BCL2L12: variants seen among roughly 807,000 people sequenced by gnomAD.
BCL2L12 encodes BCL2 like 12.
In BCL2L12, 27 loss-of-function variants were observed where a neutral mutation model predicts 25.7. The observed-to-expected ratio is 1.05, with a 90% CI of 0.78 to 1.45. The LOEUF is 1.45. Ranked by LOEUF, BCL2L12 falls within the 40% of genes most tolerant of loss-of-function variation. BCL2L12 has a pLI of 0.00. For missense variants in BCL2L12, 302 were observed against 329.8 expected, an observed-to-expected ratio of 0.92 and a Z score of 0.65; for synonymous variants, 132 against 145.6, an observed-to-expected ratio of 0.91 and a Z score of 0.67.
In BCL2L12 at chr19:49,666,994, C is replaced by T. The variant is rs773360954; in HGVS notation, c.108-25C>T. On this transcript the variant is annotated intron_variant, in intron 2 of 6. Transcript: ENST00000246784. ...GCTTGCAGGGGATCTCTGGTGGGGT[C>T]AGTCTCTGAAGTCCTCCTCTCCAGA... 1.9e-6 allele frequency: 3 copies of T among 1,610,330 alleles called. No homozygotes were observed. The Admixed American group carries it at 5.1e-5, about 27-fold the overall frequency.
chr19:49,666,638 T>A, intron 1 of BCL2L12, 47 bp from the exon 2 acceptor site: 2 of 1,446,262 alleles, frequency 1.4e-6, no homozygotes, highest in Non-Finnish European at 1.9e-6. Flanking sequence ...AAGCCTCCAC[T>A]TCTTGCTAAA....
upstream of BCL2L12, chr19:49,665,912 A>G (rs1367284131): frequency 6.2e-7 from 1 of 1,613,446 alleles, no homozygotes; most frequent in African/African-American, 1.3e-5. Context: ...ATGCAAATTG[A>G]GCGTGCACCC....
At chr19:49,673,173 A>T (rs990055072) in intron 6 of BCL2L12, among the ~76,000 whole-genome samples, 5 of 151,936 alleles carry the variant, frequency 3.3e-5, no homozygotes, top group South Asian at 2.1e-4. Context: ...ACAATTTCTT[A>T]AAAAATTTTT....
chr19:49,671,314 C>T (rs1456377822), intron 6 of BCL2L12, among the ~76,000 whole-genome samples: 2 of 151,496 alleles, frequency 1.3e-5, no homozygotes, highest in African/African-American at 2.4e-5. Context: ...ACAAAATTAG[C>T]CCGGCATGCC....
chr19:49,665,531 A>G (rs1599890533), upstream of BCL2L12: 1 of 332,684 alleles, frequency 3.0e-6, no homozygotes, highest in Non-Finnish European at 5.6e-6. Context: ...CTTTCCCCAG[A>G]GTACACAGCC....
At chr19:49,671,190 C>T (rs113310473) in intron 6 of BCL2L12, among the ~76,000 whole-genome samples, 20 of 148,958 alleles carry the variant, frequency 1.3e-4, no homozygotes, top group African/African-American at 4.5e-4. Context: ...AAACCTGGTG[C>T]GGTGGCTCAC....
chr19:49,671,649 TAGTG>T (rs927059151), intron 6 of BCL2L12, among the ~76,000 whole-genome samples: 35 of 152,004 alleles, frequency 2.3e-4, no homozygotes, highest in East Asian at 3.9e-4. Flanking sequence ...AAAAATAAAA[TAGTG>T]AGAGTAGTAG....
Position 49,670,441 on chromosome 19 carries a change from G to A in BCL2L12, c.655G>A (p.Glu219Lys), listed in dbSNP as rs1222945101. The A allele has an allele frequency of 6.5e-7, 1 of 1,539,060 alleles. No individual in the cohort carries two copies. Among genetic ancestry groups the A allele is most frequent in the Non-Finnish European group, 8.7e-7 (1 of 1,146,088 alleles). Reference protein sequence around the residue: ...LGGTLAGLSVEHVHSFTPWIQ... With the variant: ...LGGTLAGLSVKHVHSFTPWIQ... ...GGGCACCCTGGCCGGACTCAGCGTG[G>A]AGCACGTGCACAGCTTCACGCCCTG... is the stretch of plus-strand genomic sequence containing the variant. Residue 219 changes from glutamate (E) to lysine (K), a missense_variant, in exon 6 of 7, where the codon GAG becomes AAG. Glu to Lys is a moderately conservative substitution (Grantham distance 56). Transcript: ENST00000246784.
chr19:49,666,572 G>T, intron 1 of BCL2L12, 113 bp from the exon 2 acceptor site: 1 of 730,868 alleles, frequency 1.4e-6, no homozygotes. Flanking sequence ...CTCTCCAAAG[G>T]ACCCAGGAGT....
At chr19:49,670,936 G>C (rs1035907336) in intron 6 of BCL2L12, among the ~76,000 whole-genome samples, 4 of 151,938 alleles carry the variant, frequency 2.6e-5, no homozygotes, top group African/African-American at 9.7e-5. Flanking sequence ...GAGGCAGGTG[G>C]ATCACCTGAG....
In BCL2L12 at chr19:49,669,103, C is replaced by A; in HGVS notation, c.417C>A (p.Val139=). ...LVALLEEEAE[V]INQKLASDPA... The stretch of plus-strand genomic sequence containing the variant: ...CCCTGCTGGAGGAGGAGGCAGAAGT[C>A]ATTAACCAGAAGGTGATGGGCATCT... Residue 139 remains valine, a synonymous_variant, in exon 5 of 7, where the codon GTC becomes GTA. Transcript: ENST00000246784. The A allele has an allele frequency of 6.2e-7, 1 of 1,613,958 alleles. No individual in the cohort carries two copies. Among genetic ancestry groups the A allele is most frequent in the Non-Finnish European group, 8.5e-7 (1 of 1,179,948 alleles).
intron 2 of BCL2L12, 70 bp downstream of exon 2, chr19:49,666,869 T>C: frequency 6.6e-7 from 1 of 1,517,844 alleles, no homozygotes; most frequent in Non-Finnish European, 8.9e-7. Flanking sequence ...GCTCCTGGTC[T>C]CAGTCTGTCT....
chr19:49,669,533 CTT>C (rs1369704788), intron 5 of BCL2L12, among the ~76,000 whole-genome samples: 2 of 131,176 alleles, frequency 1.5e-5, no homozygotes, highest in East Asian at 2.3e-4. Context: ...GAGACTCTGT[CTT>C]TAAAAAAAAA....
At chr19:49,670,191 G>A (rs773133851) in intron 5 of BCL2L12, 25 bp from the exon 6 acceptor site, 1 of 1,593,986 alleles carries the variant, frequency 6.3e-7, no homozygotes, top group Non-Finnish European at 8.5e-7. Context: ...CTGCTGACGC[G>A]GACCCTGCCT....
At chr19:49,665,809 C>T (rs748702940), upstream of BCL2L12, 3 of 1,579,810 alleles carry the variant, frequency 1.9e-6, no homozygotes, top group South Asian at 1.1e-5. Context: ...CTTTGGGTAA[C>T]AGACCCAAAA....
intron 6 of BCL2L12, among the ~76,000 whole-genome samples, chr19:49,671,446 C>A (rs1481476945): frequency 6.6e-6 from 1 of 152,030 alleles, no homozygotes; most frequent in African/African-American, 2.4e-5. Flanking sequence ...GGCTCTGTCT[C>A]AAAAAATAAA....
At chr19:49,669,213 A>G (rs2081897469) in intron 5 of BCL2L12, 98 bp downstream of exon 5, 1 of 1,524,660 alleles carries the variant, frequency 6.6e-7, no homozygotes, top group Non-Finnish European at 8.8e-7. Flanking sequence ...TTGGATGGTC[A>G]GGTGGAAAGA....
intron 6 of BCL2L12, among the ~76,000 whole-genome samples, chr19:49,670,875 C>T (rs1196706055): frequency 6.6e-6 from 1 of 152,066 alleles, no homozygotes; most frequent in Non-Finnish European, 1.5e-5. Flanking sequence ...AATAACTAGC[C>T]AGGGTCGGGT....
intron 6 of BCL2L12, among the ~76,000 whole-genome samples, 169 bp from the exon 7 acceptor site, chr19:49,673,529 T>C (rs1045567): frequency 0.36 from 54,429 of 151,894 alleles, 11,620 homozygotes; most frequent in African/African-American, 0.61. Context: ...TGCCCCCTCA[T>C]CCCTGTGCCC....
Sources: gnomAD v4.1 joint callset for allele counts (sites outside exome capture counted in the v4.1 genomes callset) on GRCh38, gnomAD v4.1.1 for gene constraint, MANE v1.5 for transcripts, NCBI Gene and HGNC (gene_info 2026-07-23, HGNC 2026-07-21) for gene names.